Variants in SFT2D1 observed in about 807,000 individuals in gnomAD.
SFT2D1 encodes SFT2 domain containing 1, also known as vesicle transport protein SFT2A.
A neutral mutation model predicts 28.1 loss-of-function variants in SFT2D1; 24 were observed. That is an observed-to-expected ratio of 0.85 (90% CI 0.62 to 1.20). The LOEUF is 1.20. Among genes scored for constraint, SFT2D1 ranks in the 50% most tolerant of loss-of-function variants. The pLI is 0.00. For synonymous variants in SFT2D1, 82 were observed against 73.7 expected, an observed-to-expected ratio of 1.11 and a Z score of -0.58; for missense variants, 181 against 190.9, an observed-to-expected ratio of 0.95 and a Z score of 0.31.
chr6:166,336,736 ATTT>A (rs1000950783), intron 1 of SFT2D1, among the ~76,000 whole-genome samples: 1 of 152,020 alleles, frequency 6.6e-6, no homozygotes, highest in African/African-American at 2.4e-5. Context: ...CGCTCAACTA[ATTT>A]TTTAATTTTT....
At chr6:166,334,386 G>A (rs1778607298) in intron 1 of SFT2D1, among the ~76,000 whole-genome samples, 1 of 152,232 alleles carries the variant, frequency 6.6e-6, no homozygotes, top group Non-Finnish European at 1.5e-5. Context: ...CTTGAACCCA[G>A]TTCAAGACCT....
chr6:166,328,362 T>G lies in SFT2D1; in HGVS notation c.234-5A>C. 6.5e-7 allele frequency: 1 copy of G among 1,547,154 alleles called. No homozygotes were observed. The highest frequency in any genetic ancestry group is 8.8e-7 in the Non-Finnish European group (1 of 1,141,664). ...GGTCCCATTAAAAAGCATGTACTATTTGAAACAAATAAAGTGACTGAGGTA... is the reference window on the plus strand; with the variant it reads ...GGTCCCATTAAAAAGCATGTACTATGTGAAACAAATAAAGTGACTGAGGTA... On this transcript the variant is annotated splice_region_variant and splice_polypyrimidine_tract_variant and intron_variant, in intron 3 of 7. Transcript: ENST00000361731.
At chr6:166,339,331 G>T (rs746774771) in intron 1 of SFT2D1, among the ~76,000 whole-genome samples, 5 of 152,016 alleles carry the variant, frequency 3.3e-5, no homozygotes, top group Non-Finnish European at 7.4e-5. Flanking sequence ...AGAGAAACCT[G>T]CTTTCCAAGT....
chr6:166,329,359 C>A, intron 3 of SFT2D1, 148 bp downstream of exon 3: 1 of 622,020 alleles, frequency 1.6e-6, no homozygotes, highest in South Asian at 2.8e-5. Context: ...CAGCAGCAGT[C>A]AATACATATT....
intron 4 of SFT2D1, among the ~76,000 whole-genome samples, chr6:166,327,401 T>C (rs1160767017): frequency 6.6e-6 from 1 of 152,144 alleles, no homozygotes; most frequent in Admixed American, 6.5e-5. Flanking sequence ...TAAGCTCTCA[T>C]CTACCCGCCA....
intron 4 of SFT2D1, 23 bp downstream of exon 4, chr6:166,328,253 T>A: frequency 2.0e-6 from 3 of 1,508,802 alleles, no homozygotes; most frequent in Non-Finnish European, 2.7e-6. Context: ...AATAAAAGTT[T>A]TAAAAATGTA....
In SFT2D1 at chr6:166,326,159, G is replaced by A; in HGVS notation, c.324C>T (p.Phe108=). 7 of 1,613,558 alleles carry A rather than the reference G, an allele frequency of 4.3e-6. No individual in the cohort carries two copies. The highest frequency in any genetic ancestry group is 1.3e-5 in the African/African-American group (1 of 75,026). The change falls in exon 5 of 8, where the codon TTC becomes TTT. Residue 108 remains phenylalanine, a synonymous_variant. Coordinates refer to ENST00000361731, the MANE Select transcript of SFT2D1 (RefSeq NM_145169.3). Reference sequence around the variant, plus strand: ...AAAGAGCAGCACACAGGGTAAATATGAAACACAACTACAGGGGAAGAAAGA... The same window carrying A: ...AAAGAGCAGCACACAGGGTAAATATAAAACACAACTACAGGGGAAGAAAGA... ...LLATIVMLLC[F]IFTLCAALWW...
intron 1 of SFT2D1, among the ~76,000 whole-genome samples, chr6:166,334,067 TCA>T (rs1410177223): frequency 6.6e-6 from 1 of 152,240 alleles, no homozygotes; most frequent in Non-Finnish European, 1.5e-5. Flanking sequence ...GAACATGTTC[TCA>T]CTCTCTGAAA....
chr6:166,338,755 G>A (rs559550027), intron 1 of SFT2D1, among the ~76,000 whole-genome samples: 1 of 152,198 alleles, frequency 6.6e-6, no homozygotes, highest in African/African-American at 2.4e-5. Flanking sequence ...AGTGCTGCAG[G>A]AAGTCAATGA....
intron 1 of SFT2D1, among the ~76,000 whole-genome samples, chr6:166,331,121 G>C (rs1778541174): frequency 6.6e-6 from 1 of 152,200 alleles, no homozygotes; most frequent in Non-Finnish European, 1.5e-5. Context: ...GCACACAGTA[G>C]TGGTGAAATA....
chr6:166,335,453 G>A (rs1409771329), intron 1 of SFT2D1: 6 of 547,450 alleles, frequency 1.1e-5, no homozygotes, highest in East Asian at 4.7e-5. Flanking sequence ...TTATGGTGGT[G>A]GAGAACAATA....
intron 1 of SFT2D1, among the ~76,000 whole-genome samples, chr6:166,333,534 T>G (rs529962500): frequency 1.3e-5 from 2 of 152,318 alleles, no homozygotes; most frequent in African/African-American, 4.8e-5. Context: ...CATCCGGCCC[T>G]TCTCCGTTTT....
At chr6:166,335,098 G>C (rs1778620423) in intron 1 of SFT2D1, 1 of 577,920 alleles carries the variant, frequency 1.7e-6, no homozygotes. Flanking sequence ...CCAAAACTGT[G>C]AAGTTAGGGA....
chr6:166,336,156 A>G (rs1778646338), intron 1 of SFT2D1, among the ~76,000 whole-genome samples: 2 of 152,184 alleles, frequency 1.3e-5, no homozygotes, highest in African/African-American at 4.8e-5. Context: ...CTCCCCCAAG[A>G]GTGTGAAGTC....
In SFT2D1 at chr6:166,328,088, G is replaced by A. The variant is rs566903452; in HGVS notation, c.315+188C>T. Among the ~76,000 whole-genome samples, 16 of 151,978 alleles carry A rather than the reference G, an allele frequency of 1.1e-4. No individual in the cohort carries two copies. In the East Asian group the frequency reaches 2.3e-3, roughly 22 times the overall value. On this transcript the variant is annotated intron_variant, in intron 4 of 7. Transcript: ENST00000361731. ...GCTGGGATTACAGACGTGAGCCACC[G>A]TGCCCGGCCGGATATAATTATTATA...
chr6:166,338,770 T>A (rs530228390), intron 1 of SFT2D1, among the ~76,000 whole-genome samples: 1 of 151,982 alleles, frequency 6.6e-6, no homozygotes, highest in South Asian at 2.1e-4. Context: ...CAATGAAGGA[T>A]GTGATCAGGG....
At chr6:166,332,254 A>G (rs1004321047) in intron 1 of SFT2D1, among the ~76,000 whole-genome samples, 2 of 152,094 alleles carry the variant, frequency 1.3e-5, no homozygotes, top group African/African-American at 4.8e-5. Flanking sequence ...GACAGAAGGA[A>G]CCCTGACGTC....
At chr6:166,321,694 A>G (rs1778361997) in intron 7 of SFT2D1, among the ~76,000 whole-genome samples, 1 of 152,238 alleles carries the variant, frequency 6.6e-6, no homozygotes, top group Non-Finnish European at 1.5e-5. Flanking sequence ...AAACAGGCAA[A>G]GCTGTGCCTC....
chr6:166,327,651 G>T (rs1778472241), intron 4 of SFT2D1, among the ~76,000 whole-genome samples: 1 of 152,044 alleles, frequency 6.6e-6, no homozygotes, highest in Non-Finnish European at 1.5e-5. Context: ...GAAACCATCA[G>T]CAGGGCTTAA....
Sources: allele counts gnomAD v4.1 joint callset (sites outside exome capture counted in the v4.1 genomes callset), GRCh38; gene constraint gnomAD v4.1.1; transcripts MANE v1.5; gene names NCBI Gene and HGNC (gene_info 2026-07-23, HGNC 2026-07-21).